The following ATP9A variants were observed in gnomAD, a reference collection of about 807,000 sequenced individuals.
ATP9A encodes the protein ATPase phospholipid transporting 9A, also known as probable phospholipid-transporting ATPase IIA.
In ATP9A, 52 loss-of-function variants were observed where a neutral mutation model predicts 144.1. The ratio of observed to expected loss-of-function variants is 0.36; its 90% CI spans 0.29 to 0.45. The LOEUF is 0.45. ATP9A is among the 20% of genes least tolerant of loss of function. The pLI, the probability that ATP9A is intolerant of heterozygous loss-of-function variation, is 1.00. For missense variants in ATP9A, 947 were observed against 1,392.7 expected (o/e 0.68, Z 5.09); for synonymous variants, 582 against 557.4 (o/e 1.04, Z -0.62).
intron 9 of ATP9A, among the ~76,000 whole-genome samples, chr20:51,678,971 G>C (rs1045695148): frequency 2.6e-5 from 4 of 152,062 alleles, no homozygotes; most frequent in East Asian, 1.9e-4. Flanking sequence ...TGGTCTGCAC[G>C]GTGCCTTCAA....
At chr20:51,621,669 C>T (rs946890764) in intron 19 of ATP9A, among the ~76,000 whole-genome samples, 9 of 152,174 alleles carry the variant, frequency 5.9e-5, no homozygotes, top group African/African-American at 2.2e-4. Flanking sequence ...GGACCAGTAT[C>T]TGTGGCCTGG....
chr20:51,744,367 T>C (rs1451386798), intron 1 of ATP9A, among the ~76,000 whole-genome samples: 2 of 152,146 alleles, frequency 1.3e-5, no homozygotes, highest in African/African-American at 2.4e-5. Context: ...GGTTTCACCA[T>C]GTTGGCCAGG....
At chr20:51,680,040 G>T (rs2077493484) in intron 9 of ATP9A, among the ~76,000 whole-genome samples, 1 of 151,930 alleles carries the variant, frequency 6.6e-6, no homozygotes, top group Non-Finnish European at 1.5e-5. Context: ...GACCAGCCTG[G>T]CCAACATGGT....
At chr20:51,656,693 T>C (rs1218502943) in intron 14 of ATP9A, among the ~76,000 whole-genome samples, 1 of 152,236 alleles carries the variant, frequency 6.6e-6, no homozygotes, top group East Asian at 1.9e-4. Context: ...CCTGTTATGC[T>C]GGCCTTTTGA....
At chr20:51,757,552 C>T (rs189121732) in intron 1 of ATP9A, among the ~76,000 whole-genome samples, 3 of 152,148 alleles carry the variant, frequency 2.0e-5, no homozygotes, top group East Asian at 1.9e-4. Flanking sequence ...TTTCCCTGCT[C>T]GCACAGGGCC....
chr20:51,689,164 G>A lies in ATP9A; in HGVS notation c.724-25C>T, dbSNP rs149421987. 414 of 1,610,324 alleles carry A rather than the reference G, an allele frequency of 2.6e-4. 3 individuals are homozygous for A. The highest frequency in any genetic ancestry group is 2.0e-3 in the East Asian group (88 of 44,824). On this transcript the variant is annotated intron_variant, in intron 8 of 27. Coordinates refer to ENST00000338821, the MANE Select transcript of ATP9A (RefSeq NM_006045.3). ...CCTGGAAAAGACCAAACGGACACAC[G>A]TTCACCCCCCAAAGCTTCCCCAGAA...
rs3029336 is a variant in ATP9A at position 51,649,912 on chromosome 20, C to CAAA, written c.1506+7023_1506+7025dup. ...TGGGCAGCAGAGCGAGAATCCGTCTCAAAAAAAAAAAAAAAAAATCACACA... is the reference window on the plus strand; with the variant it reads ...TGGGCAGCAGAGCGAGAATCCGTCTCAAAAAAAAAAAAAAAAAAAAATCACACA... On this transcript the variant is annotated intron_variant, in intron 14 of 27. Coordinates refer to ENST00000338821, the MANE Select transcript of ATP9A (RefSeq NM_006045.3). 2.2e-3 allele frequency among the ~76,000 whole-genome samples: 240 copies of CAAA among 107,672 alleles called. 1 individual carries two copies. The highest frequency in any genetic ancestry group is 4.5e-3 in the Middle Eastern group (1 of 222). The allele number at this position is 107,672 out of a possible 152,430, so 70.6% of individuals were successfully genotyped here. A position where few individuals can be genotyped will look rare whatever the true frequency, so the allele number is the denominator to read the frequency against.
At chr20:51,651,009 C>T (rs542638631) in intron 14 of ATP9A, among the ~76,000 whole-genome samples, 5 of 150,084 alleles carry the variant, frequency 3.3e-5, no homozygotes, top group African/African-American at 7.4e-5. Context: ...GAGACAGTCT[C>T]GCTCTGTTGC....
chr20:51,749,375 GC>G (rs913637257), intron 1 of ATP9A, among the ~76,000 whole-genome samples: 2 of 151,882 alleles, frequency 1.3e-5, no homozygotes, highest in Admixed American at 1.3e-4. Context: ...CAATTCTTCT[GC>G]CTCCTCAGCC....
chr20:51,657,961 T>C (rs1241798434), intron 13 of ATP9A, among the ~76,000 whole-genome samples: 1 of 152,212 alleles, frequency 6.6e-6, no homozygotes, highest in African/African-American at 2.4e-5. Context: ...ACAACTGGCC[T>C]TCTCCATCCC....
chr20:51,624,850 T>C (rs1410696197), intron 18 of ATP9A, among the ~76,000 whole-genome samples: 2 of 151,486 alleles, frequency 1.3e-5, no homozygotes, highest in Admixed American at 1.3e-4. Flanking sequence ...TACAAAAATA[T>C]AAAAATTAGC....
intron 23 of ATP9A, among the ~76,000 whole-genome samples, chr20:51,613,321 A>C (rs373333147): frequency 1.3e-5 from 2 of 152,186 alleles, no homozygotes; most frequent in Non-Finnish European, 2.9e-5. Flanking sequence ...CAACGTACCC[A>C]CAATTAAAAT....
At chr20:51,756,321 C>T (rs965212681) in intron 1 of ATP9A, among the ~76,000 whole-genome samples, 1 of 150,874 alleles carries the variant, frequency 6.6e-6, no homozygotes, top group Non-Finnish European at 1.5e-5. Flanking sequence ...GATGGAGTCT[C>T]GCTCTGTCGC....
rs112099298 is a variant in ATP9A at position 51,753,487 on chromosome 20, C to CAAA, written c.68+14812_68+14814dup. Among the ~76,000 whole-genome samples, 9 of 147,256 alleles carry CAAA rather than the reference C, an allele frequency of 6.1e-5. No homozygotes were observed. The East Asian group carries it at 9.8e-4, about 16-fold the overall frequency. Reference sequence around the variant, plus strand: ...ACAACAACAACAACAACAACAACAACAAACCCACGTTCTACATGGTTCCTA... The same window carrying CAAA: ...ACAACAACAACAACAACAACAACAACAAAAAACCCACGTTCTACATGGTTCCTA... On this transcript the variant is annotated intron_variant, in intron 1 of 27. Transcript: ENST00000338821.
At position 51,600,354 on chromosome 20, in the gene ATP9A, G is replaced by C. The variant is rs373256658; in HGVS notation, c.*857C>G. The C allele has an allele frequency of 6.6e-6, 1 of 152,134 alleles. No homozygotes were observed. Among genetic ancestry groups the C allele is most frequent in the Non-Finnish European group, 1.5e-5 (1 of 68,034 alleles). The allele number at this position is 152,134 out of a possible 1,614,324, so 9.4% of individuals were successfully genotyped here. A position where few individuals can be genotyped will look rare whatever the true frequency, so the allele number is the denominator to read the frequency against. ...CTTATCACACTGTCGACACATTTAG[G>C]GGCCATTCAGTGGCACGTTTCCTGC... On this transcript the variant is annotated 3_prime_UTR_variant, in exon 28 of 28. Transcript: ENST00000338821.
intron 15 of ATP9A, among the ~76,000 whole-genome samples, chr20:51,631,320 A>G (rs2077268839): frequency 6.6e-6 from 1 of 152,212 alleles, no homozygotes; most frequent in African/African-American, 2.4e-5. Flanking sequence ...TTTATCTCTG[A>G]TAGACTGTGG....
intron 27 of ATP9A, among the ~76,000 whole-genome samples, chr20:51,603,253 G>A (rs761991342): frequency 2.6e-5 from 4 of 152,200 alleles, no homozygotes; most frequent in Admixed American, 6.5e-5. Context: ...CTACTGAGGA[G>A]GAAAGAGGTG....
intron 1 of ATP9A, among the ~76,000 whole-genome samples, chr20:51,747,097 C>CTTTT (rs1601142715): frequency 1.1e-5 from 1 of 89,776 alleles, no homozygotes; most frequent in African/African-American, 5.1e-5. Context: ...CTGGGTTTTT[C>CTTTT]GTTTTTTTTT....
At chr20:51,645,073 G>A (rs1259619473) in intron 14 of ATP9A, among the ~76,000 whole-genome samples, 1 of 152,182 alleles carries the variant, frequency 6.6e-6, no homozygotes, top group East Asian at 1.9e-4. Context: ...GATCAGAAAT[G>A]ACAAACGCTT....
Sources: allele counts gnomAD v4.1 joint callset (sites outside exome capture counted in the v4.1 genomes callset), GRCh38; gene constraint gnomAD v4.1.1; transcripts MANE v1.5; gene names NCBI Gene and HGNC (gene_info 2026-07-23, HGNC 2026-07-21).